KCNT2: variants seen among roughly 807,000 people sequenced by gnomAD.
The protein encoded by KCNT2 is potassium sodium-activated channel subfamily T member 2.
KCNT2 carries 67 observed loss-of-function variants against 153.8 expected under a neutral mutation model. The observed-to-expected ratio is 0.44, with a 90% CI of 0.36 to 0.53. The LOEUF (loss-of-function observed/expected upper bound fraction) is 0.53. KCNT2 is among the 20% of genes least tolerant of loss of function. KCNT2 has a pLI of 0.00. For synonymous variants in KCNT2, 500 were observed against 458.8 expected, an observed-to-expected ratio of 1.09 and a Z score of -1.15; for missense variants, 975 against 1,354.8, an observed-to-expected ratio of 0.72 and a Z score of 4.40.
intron 12 of KCNT2, among the ~76,000 whole-genome samples, chr1:196,399,014 AAAAATGTACATAT>A (rs1399592047): frequency 2.0e-5 from 3 of 151,658 alleles, no homozygotes; most frequent in South Asian, 2.1e-4. Flanking sequence ...AGGAGAAATC[AAAAATGTACATAT>A]AATAATAACA....
chr1:196,377,293 G>A (rs1669051852), intron 13 of KCNT2, among the ~76,000 whole-genome samples: 1 of 151,860 alleles, frequency 6.6e-6, no homozygotes, highest in Non-Finnish European at 1.5e-5. Context: ...GTGACGGTGA[G>A]CTGGGAGAGA....
At chr1:196,233,024 G>T (rs1396429464) in intron 27 of KCNT2, among the ~76,000 whole-genome samples, 1 of 150,958 alleles carries the variant, frequency 6.6e-6, no homozygotes, top group Non-Finnish European at 1.5e-5. Flanking sequence ...TATACTTATG[G>T]ACTTAAAAGA....
At chr1:196,314,947 G>C (rs1361134722) in intron 21 of KCNT2, among the ~76,000 whole-genome samples, 1 of 151,716 alleles carries the variant, frequency 6.6e-6, no homozygotes, top group African/African-American at 2.4e-5. Flanking sequence ...AATATATTGA[G>C]ATGTAGAGAA....
In KCNT2 at chr1:196,245,584, T is replaced by C. The variant is rs142597328; in HGVS notation, c.3212-9514A>G. ...GATTGTTTAGATGGATTATTCAACATAGCTGTTTTGAAGAAACTCAACAAA... is the reference window on the plus strand; with the variant it reads ...GATTGTTTAGATGGATTATTCAACACAGCTGTTTTGAAGAAACTCAACAAA... On this transcript the variant is annotated intron_variant, in intron 26 of 27. Coordinates refer to ENST00000294725, the MANE Select transcript of KCNT2 (RefSeq NM_198503.5). Among the ~76,000 whole-genome samples, 4 of 152,280 alleles carry C rather than the reference T, an allele frequency of 2.6e-5. No homozygotes were observed. In the East Asian group the frequency reaches 7.7e-4, roughly 29 times the overall value.
At chr1:196,541,376 T>C (rs1320777923) in intron 1 of KCNT2, among the ~76,000 whole-genome samples, 1 of 151,952 alleles carries the variant, frequency 6.6e-6, no homozygotes, top group Non-Finnish European at 1.5e-5. Flanking sequence ...ATTGCCTCTT[T>C]TTTTACAACC....
In KCNT2 at chr1:196,452,964, T is replaced by C. The variant is rs1197846169; in HGVS notation, c.638+12329A>G. ...CACCCTAACAGAAACACTCAGAATG[T>C]TTCAACAACTATCTGGGAACCCTGT... On this transcript the variant is annotated intron_variant, in intron 8 of 27. Transcript: ENST00000294725. Among the ~76,000 whole-genome samples, 5 of 152,094 alleles carry C rather than the reference T, an allele frequency of 3.3e-5. No individual in the cohort carries two copies. In the South Asian group the frequency reaches 1.0e-3, roughly 32 times the overall value.
chr1:196,302,200 A>G (rs1481008045), intron 22 of KCNT2, among the ~76,000 whole-genome samples: 2 of 152,202 alleles, frequency 1.3e-5, no homozygotes, highest in African/African-American at 2.4e-5. Context: ...AATGCTACTG[A>G]TTATTTAAAT....
intron 13 of KCNT2, among the ~76,000 whole-genome samples, chr1:196,375,683 T>C (rs1386356860): frequency 6.6e-6 from 1 of 151,726 alleles, no homozygotes; most frequent in Non-Finnish European, 1.5e-5. Flanking sequence ...ACTTTATGTG[T>C]ATAGATAGTT....
At position 196,256,753 on chromosome 1, in the gene KCNT2, A is replaced by G. The variant is rs114740101; in HGVS notation, c.3211+1441T>C. 5.1e-3 allele frequency among the ~76,000 whole-genome samples: 772 copies of G among 150,754 alleles called. 8 individuals carry two copies. The highest frequency in any genetic ancestry group is 0.018 in the African/African-American group (747 of 40,936). ...ATATCCTTTGATCTGTTATATATATAAAAAACAGTGTTAGTGTCAGAAGCG... is the reference window on the plus strand; with the variant it reads ...ATATCCTTTGATCTGTTATATATATGAAAAACAGTGTTAGTGTCAGAAGCG... On this transcript the variant is annotated intron_variant, in intron 26 of 27. Transcript: ENST00000294725.
intron 1 of KCNT2, among the ~76,000 whole-genome samples, chr1:196,599,916 C>T (rs1203651013): frequency 6.6e-6 from 1 of 152,170 alleles, no homozygotes; most frequent in Admixed American, 6.5e-5. Context: ...TCTTTACCTC[C>T]AAACTCCAAA....
intron 26 of KCNT2, among the ~76,000 whole-genome samples, chr1:196,249,423 A>G (rs1159549288): frequency 6.6e-6 from 1 of 152,200 alleles, no homozygotes. Flanking sequence ...ATTTGAACCA[A>G]GAGTATTAGA....
chr1:196,315,965 C>T lies in KCNT2; in HGVS notation c.2410G>A (p.Glu804Lys). 1 of 1,610,604 alleles carries T rather than the reference C, an allele frequency of 6.2e-7. No individual in the cohort carries two copies. Among genetic ancestry groups the T allele is most frequent in the Non-Finnish European group, 8.5e-7 (1 of 1,177,794 alleles). ...FAANMVVVDK[E>K]STMSAEEDYM... ...TCTTCCTCGGCACTCATGGTGCTCT[C>T]TTTATCCACAACCACCATATTAGCA... The change falls in exon 21 of 28, where the codon GAG becomes AAG. Residue 804 changes from glutamate (E) to lysine (K), a missense_variant. By Grantham distance (56) the Glu-to-Lys change is moderately conservative (BLOSUM62 1). Coordinates refer to ENST00000294725, the MANE Select transcript of KCNT2 (RefSeq NM_198503.5).
chr1:196,576,686 T>A (rs1161351318), intron 1 of KCNT2, among the ~76,000 whole-genome samples: 1 of 152,134 alleles, frequency 6.6e-6, no homozygotes, highest in Non-Finnish European at 1.5e-5. Flanking sequence ...AAACTTATTC[T>A]TTTGAAATAA....
chr1:196,246,828 C>T (rs1655491338), intron 26 of KCNT2, among the ~76,000 whole-genome samples: 2 of 151,784 alleles, frequency 1.3e-5, no homozygotes, highest in African/African-American at 4.8e-5. Flanking sequence ...GAGAAAATCA[C>T]CTTCTCTAAC....
intron 22 of KCNT2, among the ~76,000 whole-genome samples, chr1:196,299,348 A>G (rs189486974): frequency 1.3e-5 from 2 of 152,188 alleles, no homozygotes; most frequent in East Asian, 3.9e-4. Context: ...ATCCAAGACA[A>G]GGATAACGTA....
chr1:196,354,265 C>T (rs1666996787), intron 14 of KCNT2, among the ~76,000 whole-genome samples: 1 of 151,640 alleles, frequency 6.6e-6, no homozygotes, highest in African/African-American at 2.4e-5. Context: ...GTTTTAAGCA[C>T]CTCTACACTG....
chr1:196,258,051 TAGG>T (rs1656669548), intron 26 of KCNT2, 140 bp downstream of exon 26: 9 of 1,433,120 alleles, frequency 6.3e-6, no homozygotes, highest in Non-Finnish European at 7.3e-6. Context: ...AAATTTTCTG[TAGG>T]AGATCAGATG....
intron 1 of KCNT2, among the ~76,000 whole-genome samples, chr1:196,566,517 G>C (rs77476350): frequency 5.3e-5 from 8 of 152,202 alleles, no homozygotes; most frequent in African/African-American, 1.9e-4. Context: ...GGTTGGAAAA[G>C]GAAAGTAACA....
chr1:196,397,111 G>A (rs1671002541), intron 13 of KCNT2, among the ~76,000 whole-genome samples: 1 of 151,318 alleles, frequency 6.6e-6, no homozygotes. Flanking sequence ...TTAGTAGACA[G>A]GAAATAAGGC....
Sources: gnomAD v4.1 joint callset for allele counts (sites outside exome capture counted in the v4.1 genomes callset) on GRCh38, gnomAD v4.1.1 for gene constraint, MANE v1.5 for transcripts, NCBI Gene and HGNC (gene_info 2026-07-23, HGNC 2026-07-21) for gene names.